Variants in ZNF385D observed in about 807,000 individuals in gnomAD.
The protein encoded by ZNF385D is zinc finger protein 385D, also known as zinc finger protein 659.
ZNF385D carries 15 observed loss-of-function variants against 35.8 expected under a neutral mutation model. That is an observed-to-expected ratio of 0.42 (90% CI 0.28 to 0.64). ZNF385D has a LOEUF of 0.64. Ranked by LOEUF, ZNF385D falls within the 30% of genes least tolerant of loss-of-function variation. The pLI is 0.23. For synonymous variants in ZNF385D, 212 were observed against 186.8 expected (o/e 1.13, Z -1.10); for missense variants, 474 against 494.6 (o/e 0.96, Z 0.39).
intron 2 of ZNF385D, among the ~76,000 whole-genome samples, chr3:22,366,590 C>T (rs1319379622): frequency 1.3e-5 from 2 of 152,304 alleles, no homozygotes; most frequent in African/African-American, 2.4e-5. Flanking sequence ...TCTTTTCACA[C>T]ATCTTGCATA....
At chr3:21,963,708 G>A (rs1393964638) in intron 3 of ZNF385D, among the ~76,000 whole-genome samples, 2 of 151,982 alleles carry the variant, frequency 1.3e-5, no homozygotes. Flanking sequence ...ATATTAGATT[G>A]GTGCAAAAGT....
At chr3:21,963,684 T>C (rs1478808656) in intron 3 of ZNF385D, among the ~76,000 whole-genome samples, 3 of 152,204 alleles carry the variant, frequency 2.0e-5, no homozygotes, top group Non-Finnish European at 4.4e-5. Context: ...TCTCTTTATA[T>C]TACAGACCTC....
chr3:21,926,597 G>A (rs888770228), intron 3 of ZNF385D, among the ~76,000 whole-genome samples: 2 of 152,198 alleles, frequency 1.3e-5, no homozygotes, highest in Admixed American at 6.5e-5. Context: ...ATAAACACAC[G>A]TGTGCATGTG....
intron 2 of ZNF385D, among the ~76,000 whole-genome samples, chr3:22,256,130 T>C (rs1444961083): frequency 6.6e-6 from 1 of 151,626 alleles, no homozygotes; most frequent in East Asian, 1.9e-4. Context: ...TCTTCAGTTT[T>C]GAAACTTAGA....
intron 2 of ZNF385D, among the ~76,000 whole-genome samples, chr3:21,657,080 A>G (rs1047004230): frequency 6.6e-6 from 1 of 151,792 alleles, no homozygotes; most frequent in Non-Finnish European, 1.5e-5. Context: ...GTGTGTGTGT[A>G]ATGTGTATTA....
chr3:22,139,121 A>G (rs1041638771), intron 3 of ZNF385D, among the ~76,000 whole-genome samples: 12 of 152,248 alleles, frequency 7.9e-5, no homozygotes, highest in Non-Finnish European at 1.3e-4. Flanking sequence ...AACAACAGGT[A>G]CTGGAGAGGA....
chr3:21,968,900 G>A (rs983650176), intron 3 of ZNF385D, among the ~76,000 whole-genome samples: 1 of 152,186 alleles, frequency 6.6e-6, no homozygotes, highest in Non-Finnish European at 1.5e-5. Context: ...ACAGTGGTGT[G>A]GAGTACCAAG....
chr3:21,478,042 C>A (rs1160994387), intron 4 of ZNF385D, among the ~76,000 whole-genome samples: 1 of 152,096 alleles, frequency 6.6e-6, no homozygotes, highest in Non-Finnish European at 1.5e-5. Context: ...TTCCTCATCC[C>A]TAATGAGAAT....
In ZNF385D at chr3:21,494,312, G is replaced by T. The variant is rs1705657281; in HGVS notation, c.439+16549C>A. 2.6e-5 allele frequency among the ~76,000 whole-genome samples: 4 copies of T among 152,124 alleles called. No individual in the cohort carries two copies. The South Asian group carries it at 8.3e-4, about 32-fold the overall frequency. On this transcript the variant is annotated intron_variant, in intron 4 of 7. Coordinates refer to ENST00000281523, the MANE Select transcript of ZNF385D (RefSeq NM_024697.3). ...TGTGAAGAACATAAACTGTAGGCAG[G>T]CACATTAGAGCCTTTTAACAGTTAC...
chr3:21,988,737 C>T (rs1418737403), intron 3 of ZNF385D, among the ~76,000 whole-genome samples: 1 of 151,812 alleles, frequency 6.6e-6, no homozygotes, highest in African/African-American at 2.4e-5. Flanking sequence ...CCTAAGCAAG[C>T]CTGGGCAATG....
chr3:22,260,299 G>A (rs780116332), intron 2 of ZNF385D, among the ~76,000 whole-genome samples: 12 of 151,878 alleles, frequency 7.9e-5, no homozygotes, highest in Non-Finnish European at 1.8e-4. Flanking sequence ...GAGAACACAT[G>A]AACAATGAGA....
intron 3 of ZNF385D, among the ~76,000 whole-genome samples, chr3:21,915,421 G>C (rs895757722): frequency 1.8e-4 from 28 of 151,978 alleles, no homozygotes; most frequent in Non-Finnish European, 2.9e-5. Context: ...TGTTACTTTG[G>C]AAGTACTATC....
chr3:21,846,476 C>A (rs563007350), intron 3 of ZNF385D, among the ~76,000 whole-genome samples: 4 of 152,084 alleles, frequency 2.6e-5, no homozygotes, highest in Non-Finnish European at 5.9e-5. Flanking sequence ...GGAGTTCAAG[C>A]AGGTACCCAG....
At chr3:21,727,107 C>A (rs983308568) in intron 1 of ZNF385D, among the ~76,000 whole-genome samples, 4 of 152,156 alleles carry the variant, frequency 2.6e-5, no homozygotes, top group African/African-American at 9.7e-5. Flanking sequence ...GGTGGGAAAA[C>A]TGGCTAGCTA....
intron 2 of ZNF385D, among the ~76,000 whole-genome samples, chr3:22,189,231 G>A (rs901773003): frequency 6.6e-6 from 1 of 152,044 alleles, no homozygotes; most frequent in Non-Finnish European, 1.5e-5. Flanking sequence ...GGATCCATTA[G>A]GTATGACCTA....
At chr3:21,973,792 T>C (rs970626434) in intron 3 of ZNF385D, among the ~76,000 whole-genome samples, 1 of 151,722 alleles carries the variant, frequency 6.6e-6, no homozygotes, top group Non-Finnish European at 1.5e-5. Flanking sequence ...CCAAACTATC[T>C]GAAAAACATA....
At chr3:21,536,430 T>C (rs1271863060) in intron 3 of ZNF385D, among the ~76,000 whole-genome samples, 1 of 152,086 alleles carries the variant, frequency 6.6e-6, no homozygotes. Context: ...ATTGTCATGG[T>C]GTGTAGGCTT....
chr3:21,494,178 A>T lies in ZNF385D; in HGVS notation c.439+16683T>A, dbSNP rs369979323. On this transcript the variant is annotated intron_variant, in intron 4 of 7. Coordinates refer to ENST00000281523, the MANE Select transcript of ZNF385D (RefSeq NM_024697.3). ...TACCCACAGAGCTTTTCTTTCTGGC[A>T]AAATAATAGCATGATTTTTATTAAC... is the stretch of plus-strand genomic sequence containing the variant. Among the ~76,000 whole-genome samples, 6 of 152,200 alleles carry T rather than the reference A, an allele frequency of 3.9e-5. No homozygotes were observed. In the South Asian group the frequency reaches 1.2e-3, roughly 32 times the overall value.
intron 3 of ZNF385D, among the ~76,000 whole-genome samples, chr3:22,163,565 T>C (rs1363031600): frequency 6.6e-6 from 1 of 152,184 alleles, no homozygotes; most frequent in Non-Finnish European, 1.5e-5. Flanking sequence ...TAATAGACTA[T>C]GCCTCAAGGC....
Sources: gnomAD v4.1 joint callset for allele counts (sites outside exome capture counted in the v4.1 genomes callset) on GRCh38, gnomAD v4.1.1 for gene constraint, MANE v1.5 for transcripts, NCBI Gene and HGNC (gene_info 2026-07-23, HGNC 2026-07-21) for gene names.